Variants in OPRM1 observed in about 807,000 individuals in gnomAD.
OPRM1 encodes opioid receptor mu 1, also known as mu-type opioid receptor.
A neutral mutation model predicts 31.8 loss-of-function variants in OPRM1; 27 were observed. That is an observed-to-expected ratio of 0.85 (90% CI 0.63 to 1.17). The LOEUF (loss-of-function observed/expected upper bound fraction) is 1.17, where lower values mean the gene tolerates loss of function less well. Among genes scored for constraint, OPRM1 ranks in the 50% most tolerant of loss-of-function variants. The pLI, the probability that OPRM1 is intolerant of heterozygous loss-of-function variation, is 0.00. For synonymous variants in OPRM1, 196 were observed against 189.9 expected, an observed-to-expected ratio of 1.03 and a Z score of -0.26; for missense variants, 536 against 511.1, an observed-to-expected ratio of 1.05 and a Z score of -0.47.
intron 3 of OPRM1, among the ~76,000 whole-genome samples, chr6:154,214,539 A>G (rs1274338609): frequency 6.6e-6 from 1 of 152,234 alleles, no homozygotes; most frequent in Non-Finnish European, 1.5e-5. Context: ...AGGTATTCCA[A>G]ATATATGAAC....
chr6:154,204,240 T>C (rs900002983), intron 3 of OPRM1, among the ~76,000 whole-genome samples: 1 of 152,204 alleles, frequency 6.6e-6, no homozygotes, highest in Non-Finnish European at 1.5e-5. Flanking sequence ...TTTCTTGGAA[T>C]TGTTTTTCAA....
chr6:154,114,754 G>GTT (rs11400855), intron 3 of OPRM1, among the ~76,000 whole-genome samples: 1 of 147,666 alleles, frequency 6.8e-6, no homozygotes, highest in Non-Finnish European at 1.5e-5. Context: ...ATTCCCATTA[G>GTT]TTTTTTTTTT....
At chr6:154,228,472 C>A (rs893168028) in intron 3 of OPRM1, among the ~76,000 whole-genome samples, 1 of 152,178 alleles carries the variant, frequency 6.6e-6, no homozygotes, top group Non-Finnish European at 1.5e-5. Context: ...AGAAGAAACA[C>A]GTTCCTTTTC....
At chr6:154,022,222 G>C (rs114701867) in intron 1 of OPRM1, among the ~76,000 whole-genome samples, 3 of 152,142 alleles carry the variant, frequency 2.0e-5, no homozygotes, top group Non-Finnish European at 4.4e-5. Context: ...TTCTGCATCT[G>C]TTGATATGAT....
At chr6:154,159,373 A>C (rs1798841936) in intron 3 of OPRM1, 3 of 170,618 alleles carry the variant, frequency 1.8e-5, no homozygotes, top group Middle Eastern at 5.3e-3. Context: ...TGCTCTAGAA[A>C]ACATTCCTCC....
chr6:154,110,933 G>T (rs963461633), intron 3 of OPRM1, among the ~76,000 whole-genome samples: 3 of 147,258 alleles, frequency 2.0e-5, no homozygotes, highest in African/African-American at 7.4e-5. Context: ...CTCATTTCTG[G>T]GTTTGACTGA....
At chr6:154,181,808 C>T (rs568873426) in intron 3 of OPRM1, among the ~76,000 whole-genome samples, 67 of 152,258 alleles carry the variant, frequency 4.4e-4, no homozygotes, top group African/African-American at 1.6e-3. Context: ...AGATTACCTT[C>T]TTGGGGACTT....
chr6:154,099,377 G>A (rs1050865557), intron 3 of OPRM1, among the ~76,000 whole-genome samples: 20 of 143,096 alleles, frequency 1.4e-4, no homozygotes, highest in African/African-American at 4.2e-4. Flanking sequence ...GAAAGAAAGA[G>A]AAAGAAAGAG....
chr6:154,220,641 A>AAAAT (rs1447184119), intron 3 of OPRM1, among the ~76,000 whole-genome samples: 20 of 152,136 alleles, frequency 1.3e-4, no homozygotes, highest in East Asian at 3.9e-4. Context: ...GACTGTCTCA[A>AAAAT]AAATAAATAA....
chr6:154,203,551 G>C (rs1396061362), intron 3 of OPRM1, among the ~76,000 whole-genome samples: 2 of 152,112 alleles, frequency 1.3e-5, no homozygotes, highest in African/African-American at 4.8e-5. Context: ...GAAACTCAAG[G>C]ATACAGGGAG....
rs111269868 is a variant in OPRM1, at chr6:154,131,626, A to G, written c.*12905A>G. ...CAGGACATAGAAATGTCAACTGGTC[A>G]TATTAAAATAAAAAAGTATAGAATA... On this transcript the variant is annotated 3_prime_UTR_variant, in exon 4 of 4. Transcript: ENST00000330432. 0.01 allele frequency among the ~76,000 whole-genome samples: 1,594 copies of G among 152,362 alleles called. 37 individuals are homozygous for G. The highest frequency in any genetic ancestry group is 0.035 in the African/African-American group (1,465 of 41,580).
intron 3 of OPRM1, among the ~76,000 whole-genome samples, chr6:154,241,856 A>G (rs1286269908): frequency 6.6e-6 from 1 of 152,038 alleles, no homozygotes; most frequent in African/African-American, 2.4e-5. Context: ...ACATTCCTAC[A>G]CTATCACTAC....
downstream of OPRM1, among the ~76,000 whole-genome samples, chr6:154,133,362 A>C (rs73790440): frequency 6.6e-6 from 1 of 152,150 alleles, no homozygotes; most frequent in Non-Finnish European, 1.5e-5. Context: ...TTAAAGTCCG[A>C]TCCCTTCCCA....
At chr6:154,234,307 T>C (rs1274459316) in intron 3 of OPRM1, among the ~76,000 whole-genome samples, 1 of 152,204 alleles carries the variant, frequency 6.6e-6, no homozygotes, top group East Asian at 1.9e-4. Context: ...CCCAGAAGGA[T>C]GAAGCTTTGG....
intron 1 of OPRM1, among the ~76,000 whole-genome samples, chr6:154,015,913 T>C (rs1002255268): frequency 2.0e-5 from 3 of 151,996 alleles, no homozygotes; most frequent in Admixed American, 6.6e-5. Flanking sequence ...TGAGATATCA[T>C]TTCTCACCTA....
intron 3 of OPRM1, among the ~76,000 whole-genome samples, chr6:154,186,462 C>G (rs1801353269): frequency 6.6e-6 from 1 of 152,234 alleles, no homozygotes; most frequent in Non-Finnish European, 1.5e-5. Flanking sequence ...TCACCTCCAC[C>G]TGAACACAGG....
At chr6:154,219,087 GATAA>G (rs1778640310) in intron 3 of OPRM1, 1 of 152,194 alleles carries the variant, frequency 6.6e-6, no homozygotes, top group Non-Finnish European at 1.5e-5. Flanking sequence ...AAAATTGGAA[GATAA>G]ATAAACTGGA....
At chr6:154,218,775 G>A (rs535041583) in intron 3 of OPRM1, among the ~76,000 whole-genome samples, 4 of 152,214 alleles carry the variant, frequency 2.6e-5, no homozygotes, top group East Asian at 3.9e-4. Context: ...CAGACAAAAT[G>A]GACCATTTAG....
At chr6:154,010,631 T>C in exon 1 of OPRM1, 1 of 1,500,738 alleles carries the variant, frequency 6.7e-7, no homozygotes, top group Non-Finnish European at 9.0e-7. Context: ...ATGCCTGCAC[T>C]AAGTTTGCAT....
Sources: gnomAD v4.1 joint callset for allele counts (sites outside exome capture counted in the v4.1 genomes callset) on GRCh38, gnomAD v4.1.1 for gene constraint, MANE v1.5 for transcripts, NCBI Gene and HGNC (gene_info 2026-07-23, HGNC 2026-07-21) for gene names.